Variants in LARS2 observed in about 807,000 individuals in gnomAD.
LARS2 encodes leucyl-tRNA synthetase 2, mitochondrial.
LARS2 carries 81 observed loss-of-function variants against 116.6 expected under a neutral mutation model. The ratio of observed to expected loss-of-function variants is 0.69; its 90% confidence interval spans 0.58 to 0.84. The LOEUF is 0.84. Ranked by LOEUF, LARS2 falls within the 40% of genes least tolerant of loss-of-function variation. The pLI is 0.00. For missense variants in LARS2, 968 were observed against 1,114.5 expected, an observed-to-expected ratio of 0.87 and a Z score of 1.87; for synonymous variants, 396 against 407.2, an observed-to-expected ratio of 0.97 and a Z score of 0.33.
intron 13 of LARS2, among the ~76,000 whole-genome samples, chr3:45,494,726 C>T (rs1376599001): frequency 6.6e-6 from 1 of 152,194 alleles, no homozygotes; most frequent in Non-Finnish European, 1.5e-5. Context: ...CTTTTGGCAC[C>T]TGGTTCCTTC....
In LARS2 at chr3:45,407,312, G is replaced by C. The variant is rs148769133; in HGVS notation, c.363+6939G>C. 3.1e-3 allele frequency among the ~76,000 whole-genome samples: 465 copies of C among 152,324 alleles called. 1 individual carries two copies. The highest frequency in any genetic ancestry group is 3.9e-3 in the Non-Finnish European group (263 of 68,032). Reference sequence around the variant, plus strand: ...GAAGTGCCCGGAGAGTGCATAGCATGGCATTTAGTTTTCAAATTTGCAAAT... The same window carrying C: ...GAAGTGCCCGGAGAGTGCATAGCATCGCATTTAGTTTTCAAATTTGCAAAT... On this transcript the variant is annotated intron_variant, in intron 4 of 21. Coordinates refer to ENST00000645846, the MANE Select transcript of LARS2 (RefSeq NM_015340.4).
intron 7 of LARS2, among the ~76,000 whole-genome samples, chr3:45,448,772 G>A (rs1020216159): frequency 2.6e-5 from 4 of 152,242 alleles, no homozygotes; most frequent in Non-Finnish European, 5.9e-5. Flanking sequence ...GCTTAAGAAT[G>A]CCTTTAAGTG....
intron 6 of LARS2, among the ~76,000 whole-genome samples, chr3:45,430,810 C>G (rs144187972): frequency 6.6e-6 from 1 of 151,428 alleles, no homozygotes; most frequent in Non-Finnish European, 1.5e-5. Context: ...TGGTCTCGAT[C>G]CCCTGACCTC....
chr3:45,505,072 C>A (rs1339248196), intron 15 of LARS2, among the ~76,000 whole-genome samples: 1 of 151,006 alleles, frequency 6.6e-6, no homozygotes, highest in Non-Finnish European at 1.5e-5. Flanking sequence ...CAGAACAAGA[C>A]TCTGTCTAAA....
intron 19 of LARS2, 81 bp from the exon 20 acceptor site, chr3:45,523,916 A>G (rs1700492898): frequency 9.8e-7 from 1 of 1,015,894 alleles, no homozygotes; most frequent in African/African-American, 1.6e-5. Flanking sequence ...GTGTCTCTGG[A>G]CTTCAGATAC....
At chr3:45,392,386 C>A (rs1336585040) in intron 2 of LARS2, among the ~76,000 whole-genome samples, 2 of 151,420 alleles carry the variant, frequency 1.3e-5, no homozygotes, top group Non-Finnish European at 2.9e-5. Context: ...CCTCTGCCTC[C>A]CAGGTTCAAG....
chr3:45,539,052 T>A (rs1700752258), intron 20 of LARS2, among the ~76,000 whole-genome samples: 1 of 152,152 alleles, frequency 6.6e-6, no homozygotes, highest in Admixed American at 6.5e-5. Flanking sequence ...GTATAATACT[T>A]GAAAGAAAAA....
At position 45,390,634 on chromosome 3, in the gene LARS2, A is replaced by ATTATTTATTTATTTAT. The variant is rs373874105; in HGVS notation, c.-87-930_-87-915dup. ...GCCTTCTTTGCCCATTTTTATTTTT[A>ATTATTTATTTATTTAT]TTATTTATTTATTTATTTATTTATT... On this transcript the variant is annotated intron_variant, in intron 1 of 21. Transcript: ENST00000645846. 3.4e-3 allele frequency among the ~76,000 whole-genome samples: 479 copies of ATTATTTATTTATTTAT among 140,442 alleles called. 3 individuals are homozygous for ATTATTTATTTATTTAT. The highest frequency in any genetic ancestry group is 0.012 in the African/African-American group (438 of 37,672). The allele number at this position is 140,442 out of a possible 152,430, so 92.1% of individuals were successfully genotyped here.
intron 17 of LARS2, among the ~76,000 whole-genome samples, chr3:45,517,458 A>G (rs563072834): frequency 6.6e-6 from 1 of 152,288 alleles, no homozygotes; most frequent in South Asian, 2.1e-4. Flanking sequence ...TGCACTTCAC[A>G]CTCTACAGCA....
intron 10 of LARS2, among the ~76,000 whole-genome samples, chr3:45,480,806 GTATAA>G (rs1370667379): frequency 2.6e-5 from 4 of 152,122 alleles, no homozygotes; most frequent in Non-Finnish European, 4.4e-5. Context: ...TGAGAAACTG[GTATAA>G]TATAACTTTT....
intron 8 of LARS2, among the ~76,000 whole-genome samples, chr3:45,461,813 G>A (rs1699331235): frequency 6.6e-6 from 1 of 152,174 alleles, no homozygotes; most frequent in Admixed American, 6.5e-5. Flanking sequence ...GGAAGCCGTG[G>A]CTTGAATAGC....
At chr3:45,476,988 A>G (rs1402757935) in intron 10 of LARS2, among the ~76,000 whole-genome samples, 7 of 152,172 alleles carry the variant, frequency 4.6e-5, no homozygotes, top group Non-Finnish European at 7.3e-5. Context: ...TAATTTCACC[A>G]TCAACTAAAA....
At chr3:45,509,167 C>T (rs767062538) in intron 15 of LARS2, among the ~76,000 whole-genome samples, 1 of 152,050 alleles carries the variant, frequency 6.6e-6, no homozygotes, top group Non-Finnish European at 1.5e-5. Context: ...CTAATACTCC[C>T]GCGTTTGATG....
intron 6 of LARS2, among the ~76,000 whole-genome samples, chr3:45,431,573 G>A (rs549384432): frequency 1.3e-3 from 191 of 152,294 alleles, no homozygotes; most frequent in Middle Eastern, 3.4e-3. Flanking sequence ...TGTTACTGAA[G>A]TTGAGCTGGT....
intron 8 of LARS2, among the ~76,000 whole-genome samples, chr3:45,472,603 C>A (rs535880161): frequency 6.6e-6 from 1 of 152,168 alleles, no homozygotes; most frequent in African/African-American, 2.4e-5. Flanking sequence ...CTAATACATG[C>A]CTTTTAGTTA....
intron 15 of LARS2, among the ~76,000 whole-genome samples, chr3:45,511,436 C>T (rs1339018289): frequency 6.6e-6 from 1 of 152,060 alleles, no homozygotes; most frequent in African/African-American, 2.4e-5. Flanking sequence ...TGCCTAGAAG[C>T]GGATGGAAGG....
intron 13 of LARS2, among the ~76,000 whole-genome samples, chr3:45,492,700 T>C (rs531463430): frequency 7.9e-5 from 12 of 152,312 alleles, no homozygotes; most frequent in African/African-American, 2.9e-4. Flanking sequence ...AATAACCCCA[T>C]TGAAGGGCTT....
At chr3:45,398,580 G>T (rs1366383468) in intron 3 of LARS2, among the ~76,000 whole-genome samples, 2 of 152,196 alleles carry the variant, frequency 1.3e-5, no homozygotes, top group Non-Finnish European at 2.9e-5. Context: ...AACAGAATCA[G>T]TTACCCAGTT....
chr3:45,411,754 ACTC>A (rs1698335562), intron 4 of LARS2, among the ~76,000 whole-genome samples: 1 of 151,982 alleles, frequency 6.6e-6, no homozygotes, highest in South Asian at 2.1e-4. Context: ...ATATAGCTAT[ACTC>A]CTGCCAGAGT....
Sources: allele counts gnomAD v4.1 joint callset (sites outside exome capture counted in the v4.1 genomes callset), GRCh38; gene constraint gnomAD v4.1.1; transcripts MANE v1.5; gene names NCBI Gene and HGNC (gene_info 2026-07-23, HGNC 2026-07-21).